GPC6: variants seen among roughly 807,000 people sequenced by gnomAD.
GPC6 encodes glypican-6.
GPC6 carries 14 observed loss-of-function variants against 55.2 expected under a neutral mutation model. That is an observed-to-expected ratio of 0.25 (90% confidence interval 0.17 to 0.40). The LOEUF (loss-of-function observed/expected upper bound fraction) is 0.40, where lower values mean the gene tolerates loss of function less well. Among genes scored for constraint, GPC6 ranks in the 10% least tolerant of loss-of-function variants. The pLI, the probability that GPC6 is intolerant of heterozygous loss-of-function variation, is 1.00. For missense variants in GPC6, 641 were observed against 708.5 expected (o/e 0.90, Z 1.08); for synonymous variants, 278 against 259.6 (o/e 1.07, Z -0.68).
At chr13:93,511,465 T>C (rs1003417968) in intron 1 of GPC6, among the ~76,000 whole-genome samples, 18 of 152,008 alleles carry the variant, frequency 1.2e-4, no homozygotes, top group South Asian at 2.1e-4. Flanking sequence ...TTTTTGGCTT[T>C]GTCAAAGATT....
At chr13:93,830,693 AG>A in intron 3 of GPC6, 148 bp downstream of exon 3, 1 of 701,930 alleles carries the variant, frequency 1.4e-6, no homozygotes. Flanking sequence ...TAAATATCAA[AG>A]CATAATTCTG....
At chr13:93,935,873 C>A (rs996989446) in intron 3 of GPC6, among the ~76,000 whole-genome samples, 1 of 152,198 alleles carries the variant, frequency 6.6e-6, no homozygotes, top group Non-Finnish European at 1.5e-5. Context: ...AATGCAGATT[C>A]CTGGGTTCCA....
chr13:94,330,804 A>T lies in GPC6; in HGVS notation c.1152+24681A>T, dbSNP rs75812996. 7.2e-3 allele frequency among the ~76,000 whole-genome samples: 1,092 copies of T among 152,256 alleles called. 40 individuals carry two copies. The East Asian group carries it at 0.1, about 14-fold the overall frequency. On this transcript the variant is annotated intron_variant, in intron 6 of 8. Transcript: ENST00000377047. ...CAGAGGAGAAACTGCATATTCACCT[A>T]TATATCTCTTGAGACCTTAGCCTAT...
At chr13:94,380,251 G>A (rs78282005) in intron 6 of GPC6, among the ~76,000 whole-genome samples, 6 of 152,110 alleles carry the variant, frequency 3.9e-5, no homozygotes, top group East Asian at 1.9e-4. Flanking sequence ...CCTAAAGGTC[G>A]TGGTCATTTT....
intron 2 of GPC6, among the ~76,000 whole-genome samples, chr13:93,723,097 C>G (rs1883506208): frequency 6.6e-6 from 1 of 151,988 alleles, no homozygotes; most frequent in African/African-American, 2.4e-5. Context: ...CAACATTTAG[C>G]TCAATGGCAA....
At chr13:93,915,938 G>T (rs947240104) in intron 3 of GPC6, among the ~76,000 whole-genome samples, 3 of 152,154 alleles carry the variant, frequency 2.0e-5, no homozygotes, top group African/African-American at 7.2e-5. Flanking sequence ...GGAAAAGAGC[G>T]CCCCTTAGGT....
chr13:93,699,246 TG>T, intron 2 of GPC6, among the ~76,000 whole-genome samples: 1 of 152,176 alleles, frequency 6.6e-6, no homozygotes, highest in Non-Finnish European at 1.5e-5. Context: ...CATTTATCCA[TG>T]GGTGATAAAT....
At chr13:93,425,236 G>A (rs10851334) in intron 1 of GPC6, among the ~76,000 whole-genome samples, 31,368 of 151,934 alleles carry the variant, frequency 0.21, 3,433 homozygotes, top group Middle Eastern at 0.28. Context: ...ACTGTGGCTC[G>A]GCTGGGTACT....
At chr13:94,375,297 T>C (rs1879789561) in intron 6 of GPC6, among the ~76,000 whole-genome samples, 1 of 152,090 alleles carries the variant, frequency 6.6e-6, no homozygotes, top group African/African-American at 2.4e-5. Context: ...ATTGATAGAC[T>C]TCTAGCAAGA....
At chr13:93,439,317 G>A (rs1877688571) in intron 1 of GPC6, among the ~76,000 whole-genome samples, 1 of 152,126 alleles carries the variant, frequency 6.6e-6, no homozygotes, top group Middle Eastern at 3.2e-3. Flanking sequence ...TGTTGTGGGA[G>A]GGACCCAGTG....
intron 6 of GPC6, among the ~76,000 whole-genome samples, chr13:94,373,218 G>C (rs1240193126): frequency 1.3e-5 from 2 of 152,118 alleles, no homozygotes; most frequent in African/African-American, 4.8e-5. Flanking sequence ...GATGGAGAAT[G>C]ACTTTGACGA....
At chr13:93,580,489 A>G (rs1215650994) in intron 2 of GPC6, among the ~76,000 whole-genome samples, 1 of 152,252 alleles carries the variant, frequency 6.6e-6, no homozygotes, top group East Asian at 1.9e-4. Context: ...TAATATTGTC[A>G]TTAACTATTT....
chr13:94,231,906 G>A lies in GPC6; in HGVS notation c.878-54443G>A, dbSNP rs116567474. 3.9e-3 allele frequency among the ~76,000 whole-genome samples: 600 copies of A among 151,938 alleles called. 2 individuals are homozygous for A. Among genetic ancestry groups the A allele is most frequent in the African/African-American group, 0.014 (569 of 41,458 alleles). On this transcript the variant is annotated intron_variant, in intron 4 of 8. Transcript: ENST00000377047. ...AATAAAAATTTTTAAAAAGTTTTTC[G>A]ACTCTTTTATTCTGATCAAAAAAGA... is the stretch of plus-strand genomic sequence containing the variant.
At chr13:93,808,995 C>T (rs1182094283) in intron 2 of GPC6, among the ~76,000 whole-genome samples, 3 of 152,124 alleles carry the variant, frequency 2.0e-5, no homozygotes, top group Non-Finnish European at 4.4e-5. Context: ...TTGAATTCTA[C>T]ACACATTTTG....
intron 1 of GPC6, among the ~76,000 whole-genome samples, chr13:93,534,824 C>T (rs1018571855): frequency 1.3e-5 from 2 of 152,172 alleles, no homozygotes; most frequent in Admixed American, 6.5e-5. Context: ...GAACTCCCTT[C>T]TTTCACATTT....
At chr13:93,630,673 A>G (rs1384766839) in intron 2 of GPC6, among the ~76,000 whole-genome samples, 2 of 152,176 alleles carry the variant, frequency 1.3e-5, no homozygotes, top group Non-Finnish European at 2.9e-5. Context: ...ATTTTCTATA[A>G]CTAGTCATGG....
At chr13:93,615,799 A>G (rs1878692967) in intron 2 of GPC6, among the ~76,000 whole-genome samples, 1 of 152,060 alleles carries the variant, frequency 6.6e-6, no homozygotes, top group Non-Finnish European at 1.5e-5. Flanking sequence ...TCATTTATCA[A>G]TTCCAATCGC....
intron 2 of GPC6, among the ~76,000 whole-genome samples, chr13:93,638,002 AT>A (rs1423215470): frequency 6.6e-6 from 1 of 152,144 alleles, no homozygotes; most frequent in African/African-American, 2.4e-5. Flanking sequence ...ATAATAAATT[AT>A]AAAAACCTAG....
intron 4 of GPC6, among the ~76,000 whole-genome samples, chr13:94,239,303 A>C (rs1033639711): frequency 1.3e-5 from 2 of 152,170 alleles, no homozygotes. Flanking sequence ...CTATGAAGGG[A>C]AAGGTACTAG....
Sources: allele counts gnomAD v4.1 joint callset (sites outside exome capture counted in the v4.1 genomes callset), GRCh38; gene constraint gnomAD v4.1.1; transcripts MANE v1.5; gene names NCBI Gene and HGNC (gene_info 2026-07-23, HGNC 2026-07-21).